The following ASNSD1 variants were observed in gnomAD, a reference collection of about 807,000 sequenced individuals.
ASNSD1 encodes the protein asparagine synthetase domain containing 1, also known as asparagine synthetase domain-containing protein 1.
In ASNSD1, 36 loss-of-function variants were observed where a neutral mutation model predicts 48.3. The observed-to-expected ratio is 0.75, with a 90% CI of 0.57 to 0.99. The LOEUF is 0.99. Among genes scored for constraint, ASNSD1 ranks in the 50% least tolerant of loss-of-function variants. The pLI is 0.00. For synonymous variants in ASNSD1, 257 were observed against 262.1 expected, an observed-to-expected ratio of 0.98 and a Z score of 0.19; for missense variants, 714 against 758.2, an observed-to-expected ratio of 0.94 and a Z score of 0.69.
rs768674100 is a variant in ASNSD1 at position 189,666,177 on chromosome 2, C to T, written c.45C>T (p.Phe15=). 2 of 1,601,918 alleles carry T rather than the reference C, an allele frequency of 1.2e-6. No homozygotes were observed. The highest frequency in any genetic ancestry group is 1.7e-6 in the Non-Finnish European group (2 of 1,175,202). The part of the protein sequence containing the change: ...CCSVNFSAEH[F]SQDLKEDLLY... ...CTGTAAACTTTTCTGCTGAGCATTT[C>T]AGTCAAGATTTAAAAGAGGACTTAC... Residue 15 remains phenylalanine (F), a synonymous_variant, in exon 4 of 6, where the codon TTC becomes TTT. Transcript: ENST00000260952.
In ASNSD1 at chr2:189,661,460, T is replaced by C. The variant is rs1328014129; in HGVS notation, c.-373T>C. The C allele has an allele frequency of 1.5e-5, 6 of 398,986 alleles. No homozygotes were observed. The highest frequency in any genetic ancestry group is 1.4e-4 in the East Asian group (4 of 28,092). The allele number at this position is 398,986 out of a possible 1,614,324, so 24.7% of individuals were successfully genotyped here. On this transcript the variant is annotated 5_prime_UTR_variant, in exon 1 of 6. Transcript: ENST00000260952. ...CGCGGCTGGAAGCGCGCATGCGCTG[T>C]GGCTAATGCCGTAGGCTCCTTCAGG...
chr2:189,667,972 AC>A (rs1425538557), intron 5 of ASNSD1, 27 bp downstream of exon 5: 31 of 1,578,560 alleles, frequency 2.0e-5, no homozygotes, highest in Non-Finnish European at 2.6e-5. Context: ...GAGTGTTCTT[AC>A]GGTATTTTTA....
At chr2:189,667,679 T>C in intron 4 of ASNSD1, 83 bp downstream of exon 4, 1 of 1,538,666 alleles carries the variant, frequency 6.5e-7, no homozygotes, top group South Asian at 1.3e-5. Context: ...ATTGTAAGAA[T>C]ATAGCATATT....
chr2:189,662,934 G>A (rs2032701146), intron 1 of ASNSD1, among the ~76,000 whole-genome samples: 1 of 113,076 alleles, frequency 8.8e-6, no homozygotes, highest in Non-Finnish European at 1.7e-5. Context: ...GGGTAACAGA[G>A]CAAGACCCTG....
Position 189,670,512 on chromosome 2 carries a change from C to G in ASNSD1, c.1718C>G (p.Thr573Ser). ...CCGATTTGGGAAAAAGCAAACTTGA[C>G]TTTACCCCGAGGAATTGGTGAAAAA... ...SLPIWEKANL[T>S]LPRGIGEKLL... Residue 573 changes from threonine (T) to serine (S), a missense_variant, in exon 6 of 6, where the codon ACT becomes AGT. Thr to Ser is a moderately conservative substitution (Grantham distance 58). Coordinates refer to ENST00000260952, the MANE Select transcript of ASNSD1 (RefSeq NM_019048.4). 1 of 1,613,756 alleles carries G rather than the reference C, an allele frequency of 6.2e-7. No homozygotes were observed. Among genetic ancestry groups the G allele is most frequent in the Non-Finnish European group, 8.5e-7 (1 of 1,179,784 alleles).
chr2:189,665,612 A>ATG (rs2032776844), intron 3 of ASNSD1, among the ~76,000 whole-genome samples, 161 bp downstream of exon 3: 1 of 32,824 alleles, frequency 3.0e-5, no homozygotes, highest in African/African-American at 7.3e-5. Context: ...ATATATATAT[A>ATG]TATATATATA....
chr2:189,666,146 G>T lies in ASNSD1; in HGVS notation c.14G>T (p.Cys5Phe), dbSNP rs546441433. ...TTTCACATAACAATGTGTGGCATTTGTTGTTCTGTAAACTTTTCTGCTGAG... is the reference window on the plus strand; with the variant it reads ...TTTCACATAACAATGTGTGGCATTTTTTGTTCTGTAAACTTTTCTGCTGAG... MCGI[C>F]CSVNFSAEHF... is the part of the protein sequence containing the mutation. Residue 5 changes from cysteine to phenylalanine, a missense_variant, in exon 4 of 6, where the codon TGT becomes TTT. Transcript: ENST00000260952. 1 of 1,570,110 alleles carries T rather than the reference G, an allele frequency of 6.4e-7. No homozygotes were observed. The highest frequency in any genetic ancestry group is 1.2e-5 in the South Asian group (1 of 83,210).
Position 189,670,574 on chromosome 2 carries a change from A to C in ASNSD1, c.1780A>C (p.Thr594Pro), listed in dbSNP as rs766467501. The stretch of plus-strand genomic sequence containing the variant: ...CCTTGCAGCTGTGGAACTTGGTCTT[A>C]CAGCCTCTGCTCTTCTGCCCAAACG... ...LRLAAVELGL[T>P]ASALLPKRAM... is the part of the protein sequence containing the mutation. Residue 594 changes from threonine to proline, a missense_variant, in exon 6 of 6, where the codon ACA becomes CCA. Physicochemically the swap from Thr to Pro is conservative, Grantham distance 38. Transcript: ENST00000260952. 25 of 1,614,024 alleles carry C rather than the reference A, an allele frequency of 1.5e-5. No individual in the cohort carries two copies. Among genetic ancestry groups the C allele is most frequent in the African/African-American group, 2.7e-5 (2 of 74,940 alleles).
chr2:189,661,693 G>A (rs557314889), intron 1 of ASNSD1, 83 bp downstream of exon 1: 1 of 399,012 alleles, frequency 2.5e-6, no homozygotes, highest in South Asian at 1.3e-4. Flanking sequence ...AGCGGGCAGC[G>A]TGGGGCCTGC....
chr2:189,665,631 T>C (rs2032781664), intron 3 of ASNSD1, among the ~76,000 whole-genome samples, 180 bp downstream of exon 3: 3 of 95,442 alleles, frequency 3.1e-5, no homozygotes, highest in South Asian at 3.6e-4. Flanking sequence ...TATATATATA[T>C]ATATATATAT....
In ASNSD1 at chr2:189,661,607, C is replaced by T. The variant is rs187165993; in HGVS notation, c.-226C>T. The T allele has an allele frequency of 7.9e-3, 3,174 of 399,366 alleles. 25 individuals are homozygous for T. The highest frequency in any genetic ancestry group is 9.3e-3 in the Non-Finnish European group (2,112 of 226,308). The allele number at this position is 399,366 out of a possible 1,614,324, so 24.7% of individuals were successfully genotyped here. On this transcript the variant is annotated 5_prime_UTR_variant, in exon 1 of 6. Coordinates refer to ENST00000260952, the MANE Select transcript of ASNSD1 (RefSeq NM_019048.4). The stretch of plus-strand genomic sequence containing the variant: ...CCCCACACAAGGAGGATCTAAGCAG[C>T]AAGGTGAGTGTGAGACGCGACGAAA...
chr2:189,667,724 GT>G, intron 4 of ASNSD1, 39 bp from the exon 5 acceptor site: 2 of 1,572,046 alleles, frequency 1.3e-6, no homozygotes, highest in Non-Finnish European at 1.7e-6. Flanking sequence ...TTACTGTGTA[GT>G]TGATAACATT....
rs1297471378 is a variant in ASNSD1 at position 189,667,871 on chromosome 2, G to A, written c.1572G>A (p.Met524Ile). Residue 524 changes from methionine to isoleucine, a missense_variant, in exon 5 of 6, where the codon ATG (methionine) becomes ATA (isoleucine). Coordinates refer to ENST00000260952, the MANE Select transcript of ASNSD1 (RefSeq NM_019048.4). ...AAGGATTGAATAAGGAAATAATGAT[G>A]GAACTGGGTCGAATTTCTTCTAGAA... is the stretch of plus-strand genomic sequence containing the variant. Reference protein sequence around the residue: ...GLEGLNKEIMMELGRISSRNL... With the variant: ...GLEGLNKEIMIELGRISSRNL... The A allele has an allele frequency of 6.2e-7, 1 of 1,613,872 alleles. No homozygotes were observed. Among genetic ancestry groups the A allele is most frequent in the African/African-American group, 1.3e-5 (1 of 74,910 alleles).
intron 2 of ASNSD1, among the ~76,000 whole-genome samples, chr2:189,664,574 T>TA (rs2032743221): frequency 6.6e-6 from 1 of 152,188 alleles, no homozygotes; most frequent in Non-Finnish European, 1.5e-5. Flanking sequence ...TATTGTCACT[T>TA]ATGGAATATT....
At chr2:189,665,606 A>G (rs1019931326) in intron 3 of ASNSD1, among the ~76,000 whole-genome samples, 155 bp downstream of exon 3, 674 of 9,042 alleles carry the variant, frequency 0.075, 32 homozygotes, top group South Asian at 0.29. Flanking sequence ...GTGTATATAT[A>G]TATATATATA....
chr2:189,670,144 A>C (rs961544989), intron 5 of ASNSD1, among the ~76,000 whole-genome samples: 1 of 149,034 alleles, frequency 6.7e-6, no homozygotes, highest in African/African-American at 2.5e-5. Context: ...TCTCATCTCT[A>C]CCAACAAATA....
intron 5 of ASNSD1, among the ~76,000 whole-genome samples, chr2:189,668,352 T>TA (rs11373107): frequency 0.99 from 149,885 of 152,078 alleles, 73,906 homozygotes; most frequent in South Asian, 1. Context: ...CCACTTCTAC[T>TA]AAAAATACAA....
chr2:189,668,409 C>T (rs1268595849), intron 5 of ASNSD1, among the ~76,000 whole-genome samples: 1 of 152,116 alleles, frequency 6.6e-6, no homozygotes, highest in East Asian at 1.9e-4. Flanking sequence ...TCCAGCTACT[C>T]GGGAGGCTGA....
In ASNSD1 at chr2:189,666,880, CA is replaced by C; in HGVS notation, c.750del (p.Ala251LeufsTer29). 1 of 1,614,018 alleles carries C rather than the reference CA, an allele frequency of 6.2e-7. No homozygotes were observed. Among genetic ancestry groups the C allele is most frequent in the Non-Finnish European group, 8.5e-7 (1 of 1,179,982 alleles). ...PVVPLNMMLP[Q>X]AALETHCSNI... ...TGTTCCTTTAAATATGATGTTGCCACAAGCTGCATTGGAGACTCATTGCAGT... is the reference window on the plus strand; with the variant it reads ...TGTTCCTTTAAATATGATGTTGCCACAGCTGCATTGGAGACTCATTGCAGT... On this transcript the variant is annotated frameshift_variant, in exon 4 of 6. Transcript: ENST00000260952. LOFTEE classifies it high-confidence loss of function.
Sources: allele counts gnomAD v4.1 joint callset (sites outside exome capture counted in the v4.1 genomes callset), GRCh38; gene constraint gnomAD v4.1.1; transcripts MANE v1.5; gene names NCBI Gene and HGNC (gene_info 2026-07-23, HGNC 2026-07-21).